Variants in NPAS3 observed in about 807,000 individuals in gnomAD.
The protein encoded by NPAS3 is neuronal PAS domain-containing protein 3.
NPAS3 carries 14 observed loss-of-function variants against 73.1 expected under a neutral mutation model. That is an observed-to-expected ratio of 0.19 (90% CI 0.13 to 0.30). The LOEUF is 0.30. NPAS3 is among the 10% of genes least tolerant of loss of function. NPAS3 has a pLI of 1.00. For synonymous variants in NPAS3, 620 were observed against 541.5 expected, an observed-to-expected ratio of 1.14 and a Z score of -2.01; for missense variants, 1,096 against 1,250.0, an observed-to-expected ratio of 0.88 and a Z score of 1.86.
intron 1 of NPAS3, among the ~76,000 whole-genome samples, chr14:32,941,299 C>CCCT (rs2035999020): frequency 1.4e-5 from 1 of 72,388 alleles, no homozygotes; most frequent in Non-Finnish European, 2.8e-5. Flanking sequence ...CTCCCTCCCT[C>CCCT]CCTCCCTCCC....
At chr14:33,577,346 CT>C (rs1213411391) in intron 5 of NPAS3, among the ~76,000 whole-genome samples, 9 of 152,120 alleles carry the variant, frequency 5.9e-5, no homozygotes, top group Non-Finnish European at 1.2e-4. Context: ...TCTTCCTCTG[CT>C]TTCTGAGATT....
At chr14:33,239,218 A>C (rs967965587) in intron 3 of NPAS3, among the ~76,000 whole-genome samples, 3 of 151,782 alleles carry the variant, frequency 2.0e-5, no homozygotes, top group Non-Finnish European at 4.4e-5. Context: ...GTTAAGTGAT[A>C]AAGGGGAGTT....
At chr14:33,133,023 A>G (rs2139120092) in intron 2 of NPAS3, among the ~76,000 whole-genome samples, 1 of 152,296 alleles carries the variant, frequency 6.6e-6, no homozygotes, top group Middle Eastern at 3.4e-3. Flanking sequence ...TAATTGGTCT[A>G]TGACTGTGAT....
At chr14:33,070,729 T>C (rs539967846) in intron 2 of NPAS3, among the ~76,000 whole-genome samples, 6 of 152,222 alleles carry the variant, frequency 3.9e-5, no homozygotes, top group African/African-American at 1.4e-4. Context: ...GGGCCTGTAT[T>C]CATGTACTGC....
intron 2 of NPAS3, among the ~76,000 whole-genome samples, chr14:33,102,872 T>C (rs902227555): frequency 6.6e-6 from 1 of 152,216 alleles, no homozygotes; most frequent in South Asian, 2.1e-4. Flanking sequence ...AAAAATCTTA[T>C]TTACCAAGGT....
intron 3 of NPAS3, among the ~76,000 whole-genome samples, chr14:33,313,889 C>T (rs1245951149): frequency 6.6e-6 from 1 of 151,852 alleles, no homozygotes; most frequent in Non-Finnish European, 1.5e-5. Flanking sequence ...TTTTTTTAAG[C>T]TTTGTTTCTC....
chr14:33,140,255 C>T (rs2043996917), intron 2 of NPAS3, among the ~76,000 whole-genome samples: 1 of 152,066 alleles, frequency 6.6e-6, no homozygotes, highest in Non-Finnish European at 1.5e-5. Context: ...AAGTTTGACA[C>T]TCAGGTGGCT....
chr14:33,562,070 T>G (rs984565989), intron 5 of NPAS3, among the ~76,000 whole-genome samples: 2 of 152,216 alleles, frequency 1.3e-5, no homozygotes, highest in African/African-American at 4.8e-5. Flanking sequence ...GCACAGCATA[T>G]GCACATATAT....
chr14:33,228,214 C>T (rs2047709427), intron 3 of NPAS3, among the ~76,000 whole-genome samples: 1 of 152,148 alleles, frequency 6.6e-6, no homozygotes, highest in Non-Finnish European at 1.5e-5. Context: ...TCAACATGCA[C>T]AGTTTTTTGG....
At chr14:33,395,214 T>C (rs756929441) in intron 4 of NPAS3, among the ~76,000 whole-genome samples, 3 of 152,154 alleles carry the variant, frequency 2.0e-5, no homozygotes, top group Non-Finnish European at 2.9e-5. Context: ...ATCATTGTTT[T>C]GCATTTCGTA....
At chr14:33,702,768 T>C (rs1287020422) in intron 6 of NPAS3, among the ~76,000 whole-genome samples, 1 of 151,720 alleles carries the variant, frequency 6.6e-6, no homozygotes, top group African/African-American at 2.4e-5. Flanking sequence ...AGACAAGGAG[T>C]GAGAATAGAA....
intron 5 of NPAS3, among the ~76,000 whole-genome samples, chr14:33,567,337 C>T (rs531408348): frequency 6.6e-6 from 1 of 152,330 alleles, no homozygotes; most frequent in South Asian, 2.1e-4. Flanking sequence ...GCGACAAAAA[C>T]CCAACACTCA....
chr14:33,801,076 C>A (rs747538688), exon 12 of NPAS3: 2 of 1,592,524 alleles, frequency 1.3e-6, no homozygotes, highest in Non-Finnish European at 1.7e-6. Flanking sequence ...ACGGCATCCA[C>A]GCGGCACAGA....
At chr14:33,016,852 C>T (rs574614530) in intron 1 of NPAS3, among the ~76,000 whole-genome samples, 11 of 151,954 alleles carry the variant, frequency 7.2e-5, no homozygotes, top group South Asian at 6.2e-4. Context: ...ACATTCCAGG[C>T]GTTTCATAAA....
intron 5 of NPAS3, among the ~76,000 whole-genome samples, chr14:33,581,631 C>A (rs988674077): frequency 3.9e-5 from 6 of 152,116 alleles, no homozygotes; most frequent in African/African-American, 1.2e-4. Flanking sequence ...AGTGCAGTGT[C>A]ACGATCAGAG....
At chr14:33,660,056 T>C (rs1431044408) in intron 5 of NPAS3, among the ~76,000 whole-genome samples, 1 of 152,054 alleles carries the variant, frequency 6.6e-6, no homozygotes, top group Non-Finnish European at 1.5e-5. Context: ...GTAAAGTGTA[T>C]GCATATCACA....
At chr14:33,191,695 C>T (rs546227225) in intron 2 of NPAS3, among the ~76,000 whole-genome samples, 1 of 152,294 alleles carries the variant, frequency 6.6e-6, no homozygotes, top group East Asian at 1.9e-4. Flanking sequence ...ATTTGGCTCT[C>T]AATACTGAAT....
chr14:33,752,180 T>C (rs773053948), intron 7 of NPAS3, among the ~76,000 whole-genome samples: 6 of 152,224 alleles, frequency 3.9e-5, no homozygotes, highest in Non-Finnish European at 7.3e-5. Context: ...AAATATAATA[T>C]GAAACTTTGG....
intron 4 of NPAS3, among the ~76,000 whole-genome samples, chr14:33,421,958 G>A (rs888964770): frequency 1.3e-5 from 2 of 151,836 alleles, no homozygotes; most frequent in Non-Finnish European, 2.9e-5. Flanking sequence ...TTTTTCTATA[G>A]GTAACATAAA....
Sources: gnomAD v4.1 joint callset for allele counts (sites outside exome capture counted in the v4.1 genomes callset) on GRCh38, gnomAD v4.1.1 for gene constraint, MANE v1.5 for transcripts, NCBI Gene and HGNC (gene_info 2026-07-23, HGNC 2026-07-21) for gene names.